The following NFATC1 variants were observed in gnomAD, a reference collection of about 807,000 sequenced individuals.
NFATC1 encodes the protein nuclear factor of activated T cells 1, also known as nuclear factor of activated T-cells, cytoplasmic 1.
NFATC1 carries 22 observed loss-of-function variants against 76.0 expected under a neutral mutation model. The ratio of observed to expected loss-of-function variants is 0.29; its 90% CI spans 0.21 to 0.41. The LOEUF is 0.41. Ranked by LOEUF, NFATC1 falls within the 10% of genes least tolerant of loss-of-function variation. NFATC1 has a pLI of 1.00. For missense variants in NFATC1, 1,357 were observed against 1,337.7 expected, an observed-to-expected ratio of 1.01 and a Z score of -0.23; for synonymous variants, 704 against 613.1, an observed-to-expected ratio of 1.15 and a Z score of -2.19.
chr18:79,425,212 TCTGTCTCTCTGTTTCTCTCC>T (rs1568944842), intron 2 of NFATC1, among the ~76,000 whole-genome samples: 10 of 152,190 alleles, frequency 6.6e-5, no homozygotes, highest in African/African-American at 2.4e-4. Context: ...TCTCCCTGTC[TCTGTCTCTCTGTTTCTCTCC>T]CTGTCTCTGT....
At chr18:79,396,933 C>G (rs1327154695) in intron 1 of NFATC1, among the ~76,000 whole-genome samples, 1 of 152,158 alleles carries the variant, frequency 6.6e-6, no homozygotes, top group Non-Finnish European at 1.5e-5. Flanking sequence ...AGCACAGCCC[C>G]GAATTTAAGC....
chr18:79,444,466 C>T (rs2087113977), intron 3 of NFATC1, among the ~76,000 whole-genome samples: 1 of 115,262 alleles, frequency 8.7e-6, no homozygotes, highest in Non-Finnish European at 1.7e-5. Context: ...GAGACCCCAG[C>T]TTCCCCCGCC....
chr18:79,492,901 C>CTTTTT (rs10605674), intron 9 of NFATC1, among the ~76,000 whole-genome samples: 1 of 87,232 alleles, frequency 1.1e-5, no homozygotes, highest in African/African-American at 5.2e-5. Flanking sequence ...ATGAATCCAG[C>CTTTTT]TTTTTTTTTT....
intron 9 of NFATC1, among the ~76,000 whole-genome samples, chr18:79,521,438 G>T (rs2090563392): frequency 9.0e-6 from 1 of 110,650 alleles, no homozygotes. Flanking sequence ...GTGTGTGTCT[G>T]TGTGTGTGTG....
rs184194438 is a variant in NFATC1, at chr18:79,524,214, C to T, written c.2783-3314C>T. ...CTTTCAGCCCAGCGCCAGCGAGCCA[C>T]ATGGCCTCAGACCAACCCCAGGATG... On this transcript the variant is annotated intron_variant, in intron 9 of 9. Transcript: ENST00000427363. This position sits in a 1 kb window ranked among gnomAD's most constrained non-coding sequence, Gnocchi z 7.2. Among the ~76,000 whole-genome samples the T allele has an allele frequency of 3.9e-5, 6 of 152,318 alleles. No individual in the cohort carries two copies. The highest frequency in any genetic ancestry group is 8.8e-5 in the Non-Finnish European group (6 of 68,024).
rs569394633 is a variant in NFATC1, at chr18:79,501,026, A to G, written c.2782+14089A>G. Among the ~76,000 whole-genome samples the G allele has an allele frequency of 2.0e-5, 3 of 151,096 alleles. No homozygotes were observed. In the South Asian group the frequency reaches 6.2e-4, roughly 31 times the overall value. The stretch of plus-strand genomic sequence containing the variant: ...CTAATACCAAAATCAAAAGTATCGT[A>G]AGAAAAACTATAGAAAAATATTCTT... On this transcript the variant is annotated intron_variant, in intron 9 of 9. Coordinates refer to ENST00000427363, the MANE Select transcript of NFATC1 (RefSeq NM_001278669.2).
At chr18:79,412,896 T>C (rs147655846) in intron 2 of NFATC1, among the ~76,000 whole-genome samples, 1 of 152,374 alleles carries the variant, frequency 6.6e-6, no homozygotes, top group Non-Finnish European at 1.5e-5. Context: ...CTTCTGTTTT[T>C]AATACATTAA....
intron 9 of NFATC1, among the ~76,000 whole-genome samples, chr18:79,488,681 C>A (rs2089593698): frequency 6.6e-6 from 1 of 152,228 alleles, no homozygotes; most frequent in Non-Finnish European, 1.5e-5. Context: ...CCTTCCTCCC[C>A]AGCCCCTGCG....
At chr18:79,475,910 G>A (rs1020940403) in intron 8 of NFATC1, among the ~76,000 whole-genome samples, 2 of 152,258 alleles carry the variant, frequency 1.3e-5, no homozygotes, top group African/African-American at 4.8e-5. Context: ...TCAGAGATGA[G>A]GGGAGTAAAT....
At chr18:79,514,237 G>T (rs1323697902) in intron 9 of NFATC1, among the ~76,000 whole-genome samples, 1 of 151,996 alleles carries the variant, frequency 6.6e-6, no homozygotes, top group South Asian at 2.1e-4. Context: ...CCAGGAGTTG[G>T]AGACCACCCT....
At chr18:79,507,987 G>A (rs2090156432) in intron 9 of NFATC1, among the ~76,000 whole-genome samples, 1 of 152,256 alleles carries the variant, frequency 6.6e-6, no homozygotes, top group South Asian at 2.1e-4. Context: ...CTTTTCCACA[G>A]TAGCTGCTGC....
chr18:79,436,495 C>T (rs1374175482), intron 3 of NFATC1, among the ~76,000 whole-genome samples: 6 of 152,306 alleles, frequency 3.9e-5, no homozygotes, highest in Admixed American at 1.3e-4. Context: ...GCCAGGGGCA[C>T]GCTGTGCCCC....
In NFATC1 at chr18:79,403,457, G is replaced by A. The variant is rs567735186; in HGVS notation, c.128-6946G>A. Among the ~76,000 whole-genome samples, 204 of 152,324 alleles carry A rather than the reference G, an allele frequency of 1.3e-3. 2 individuals are homozygous for A. The highest frequency in any genetic ancestry group is 2.5e-3 in the Non-Finnish European group (167 of 68,016). On this transcript the variant is annotated intron_variant, in intron 1 of 9. Transcript: ENST00000427363. The stretch of plus-strand genomic sequence containing the variant: ...CTTCCCTCTGCAGAGAGGAGGTCCC[G>A]CTCCCTTCTGGGGCTCAGGAAATAG...
rs1436323956 is a variant in NFATC1 at position 79,396,182 on chromosome 18, T to C, written c.-43T>C. The stretch of plus-strand genomic sequence containing the variant: ...GGCAGCGCGGGGCGGCCGCTTCTCC[T>C]GTGCCTCCGCCCGCCGCTCCACTCC... On this transcript the variant is annotated 5_prime_UTR_variant, in exon 1 of 10. Transcript: ENST00000427363. 2.6e-5 allele frequency: 37 copies of C among 1,424,820 alleles called. No individual in the cohort carries two copies. The highest frequency in any genetic ancestry group is 3.1e-5 in the Non-Finnish European group (33 of 1,076,328). 88.3% of individuals were successfully genotyped at this position (1,424,820 alleles called of 1,614,324 possible).
chr18:79,508,849 T>C (rs527529795), intron 9 of NFATC1, among the ~76,000 whole-genome samples: 21 of 151,050 alleles, frequency 1.4e-4, no homozygotes, highest in Admixed American at 1.2e-3. Context: ...GTCTCTCTTA[T>C]CTCTCTCCCT....
rs555434346 is a variant in NFATC1 at position 79,529,107 on chromosome 18, A to C, written c.*1530A>C. 6.6e-6 allele frequency: 1 copy of C among 152,306 alleles called. No individual in the cohort carries two copies. The highest frequency in any genetic ancestry group is 2.4e-5 in the African/African-American group (1 of 41,452). The allele number at this position is 152,306 out of a possible 1,614,324, so 9.4% of individuals were successfully genotyped here. ...CGCGTCTCTTGTGTCTCACTCACGG[A>C]AAGAAACAACCTGAAGGCCATCCCG... On this transcript the variant is annotated 3_prime_UTR_variant, in exon 10 of 10. Coordinates refer to ENST00000427363, the MANE Select transcript of NFATC1 (RefSeq NM_001278669.2).
At chr18:79,522,796 TC>T (rs2090649165) in intron 9 of NFATC1, among the ~76,000 whole-genome samples, 1 of 151,202 alleles carries the variant, frequency 6.6e-6, no homozygotes, top group South Asian at 2.1e-4. Flanking sequence ...TGTCCCAGGG[TC>T]TGAGTCGTCC....
At chr18:79,493,491 T>C (rs2089758775) in intron 9 of NFATC1, 1 of 151,672 alleles carries the variant, frequency 6.6e-6, no homozygotes, top group Non-Finnish European at 1.5e-5. Context: ...GGTCGGCCCT[T>C]TCAGTCCCTC....
rs9955162 is a variant in NFATC1, at chr18:79,528,323, G to A, written c.*746G>A. 0.017 allele frequency: 2,880 copies of A among 167,378 alleles called. 91 individuals are homozygous for A. Among genetic ancestry groups the A allele is most frequent in the African/African-American group, 0.064 (2,698 of 42,234 alleles). The allele number at this position is 167,378 out of a possible 1,614,324, so 10.4% of individuals were successfully genotyped here. A position where few individuals can be genotyped will look rare whatever the true frequency, so the allele number is the denominator to read the frequency against. ...TGAATAGCACATCAATAGGTTACTG[G>A]ACAAAAGCAGAAAAACCTGTTACAG... On this transcript the variant is annotated 3_prime_UTR_variant, in exon 10 of 10. Transcript: ENST00000427363.
Sources: allele counts gnomAD v4.1 joint callset (sites outside exome capture counted in the v4.1 genomes callset), GRCh38; gene constraint gnomAD v4.1.1; non-coding constraint Gnocchi (gnomAD v3.1); transcripts MANE v1.5; gene names NCBI Gene and HGNC (gene_info 2026-07-23, HGNC 2026-07-21).